Variants in ASXL3 observed in about 807,000 individuals in gnomAD.
ASXL3 encodes ASXL transcriptional regulator 3.
Under a neutral mutation model 170.6 loss-of-function variants are expected in ASXL3, and 34 were observed. The observed-to-expected ratio is 0.20, with a 90% CI of 0.15 to 0.27. The LOEUF is 0.27. Ranked by LOEUF, ASXL3 falls within the 10% of genes least tolerant of loss-of-function variation. The pLI is 1.00. For synonymous variants in ASXL3, 1,002 were observed against 989.1 expected, an observed-to-expected ratio of 1.01 and a Z score of -0.24; for missense variants, 2,592 against 2,695.3, an observed-to-expected ratio of 0.96 and a Z score of 0.85.
intron 1 of ASXL3, among the ~76,000 whole-genome samples, chr18:33,603,212 A>G (rs2065203443): frequency 6.6e-6 from 1 of 152,048 alleles, no homozygotes; most frequent in African/African-American, 2.4e-5. Flanking sequence ...GATCTTAGAG[A>G]TACTTAGAAT....
chr18:33,631,373 A>G (rs17665911), intron 2 of ASXL3, among the ~76,000 whole-genome samples: 8,382 of 152,118 alleles, frequency 0.055, 255 homozygotes, highest in South Asian at 0.07. Flanking sequence ...AGTTCACCTA[A>G]TAAATTAATC....
chr18:33,667,535 TTC>T (rs2066277825), intron 5 of ASXL3, among the ~76,000 whole-genome samples: 1 of 152,214 alleles, frequency 6.6e-6, no homozygotes, highest in African/African-American at 2.4e-5. Flanking sequence ...GTTTTTTAAT[TTC>T]TGGAATAATG....
intron 2 of ASXL3, among the ~76,000 whole-genome samples, chr18:33,638,408 T>C (rs2065802122): frequency 6.6e-6 from 1 of 152,070 alleles, no homozygotes; most frequent in Non-Finnish European, 1.5e-5. Context: ...TTTTCATTGG[T>C]GACATTACCA....
chr18:33,642,183 TTATTTC>T (rs2065855434), intron 2 of ASXL3, among the ~76,000 whole-genome samples: 1 of 152,008 alleles, frequency 6.6e-6, no homozygotes, highest in Non-Finnish European at 1.5e-5. Context: ...AGACTTATAT[TTATTTC>T]TATTCAATAG....
At chr18:33,692,851 C>T (rs1329631058) in intron 8 of ASXL3, among the ~76,000 whole-genome samples, 1 of 152,144 alleles carries the variant, frequency 6.6e-6, no homozygotes, top group African/African-American at 2.4e-5. Flanking sequence ...AAGAACTTTG[C>T]ATTAGTCTAC....
intron 7 of ASXL3, 86 bp downstream of exon 7, chr18:33,671,952 T>G (rs966153658): frequency 7.7e-7 from 1 of 1,301,126 alleles, no homozygotes; most frequent in African/African-American, 1.5e-5. Context: ...AGAACATTTT[T>G]TAATGATTAA....
At chr18:33,686,252 G>A (rs1483772172) in intron 8 of ASXL3, among the ~76,000 whole-genome samples, 2 of 152,114 alleles carry the variant, frequency 1.3e-5, no homozygotes, top group Non-Finnish European at 2.9e-5. Flanking sequence ...TCTTGTGGAG[G>A]ATACAAGAAT....
chr18:33,683,041 T>C (rs765730336), intron 7 of ASXL3, among the ~76,000 whole-genome samples: 3 of 152,188 alleles, frequency 2.0e-5, no homozygotes, highest in Non-Finnish European at 4.4e-5. Context: ...TTAGGTCTTA[T>C]AGAACTTACA....
At chr18:33,644,478 GTTTTTTTT>G (rs75956043) in intron 2 of ASXL3, among the ~76,000 whole-genome samples, 1 of 135,124 alleles carries the variant, frequency 7.4e-6, no homozygotes, top group African/African-American at 2.7e-5. Context: ...GGGTTTTTTT[GTTTTTTTT>G]TTTTTGATCA....
At chr18:33,713,504 C>T (rs1019905322) in intron 8 of ASXL3, among the ~76,000 whole-genome samples, 4 of 151,988 alleles carry the variant, frequency 2.6e-5, no homozygotes, top group African/African-American at 9.7e-5. Context: ...CCACCCCCAC[C>T]TCAGCCTCCC....
chr18:33,721,204 A>C (rs1281124179), intron 8 of ASXL3, among the ~76,000 whole-genome samples: 1 of 151,982 alleles, frequency 6.6e-6, no homozygotes, highest in East Asian at 1.9e-4. Context: ...CCAGCATCTG[A>C]TTGATTATAT....
intron 8 of ASXL3, among the ~76,000 whole-genome samples, chr18:33,721,544 A>G (rs919839219): frequency 6.6e-6 from 1 of 152,066 alleles, no homozygotes; most frequent in African/African-American, 2.4e-5. Flanking sequence ...GTAGAAAAAG[A>G]CAGCTCAGAA....
chr18:33,716,018 A>G (rs1027212902), intron 8 of ASXL3, among the ~76,000 whole-genome samples: 4 of 152,218 alleles, frequency 2.6e-5, no homozygotes, highest in African/African-American at 9.6e-5. Flanking sequence ...CAGCATTTGA[A>G]TAAAGTCTCA....
In ASXL3 at chr18:33,743,925, G is replaced by A. The variant is rs1162815494; in HGVS notation, c.4077G>A (p.Leu1359=). The change falls in exon 12 of 12, where the codon TTG becomes TTA. Residue 1359 remains leucine, a synonymous_variant. Coordinates refer to ENST00000269197, the MANE Select transcript of ASXL3 (RefSeq NM_030632.3). ...NLPNLSTSSV[L]IPPMGINNRF... is the part of the protein sequence containing the mutation. Reference sequence around the variant, plus strand: ...CAAACCTCTCCACTAGCTCTGTCTTGATTCCCCCAATGGGAATTAACAACA... The same window carrying A: ...CAAACCTCTCCACTAGCTCTGTCTTAATTCCCCCAATGGGAATTAACAACA... 1 of 1,613,842 alleles carries A rather than the reference G, an allele frequency of 6.2e-7. No individual in the cohort carries two copies. Among genetic ancestry groups the A allele is most frequent in the African/African-American group, 1.3e-5 (1 of 74,922 alleles).
intron 1 of ASXL3, among the ~76,000 whole-genome samples, chr18:33,595,872 T>G (rs187948472): frequency 6.6e-6 from 1 of 152,270 alleles, no homozygotes; most frequent in Non-Finnish European, 1.5e-5. Flanking sequence ...TCTTCAGGAG[T>G]TGTTTCTTCC....
intron 5 of ASXL3, among the ~76,000 whole-genome samples, chr18:33,666,354 G>T (rs1225757938): frequency 6.6e-6 from 1 of 152,020 alleles, no homozygotes; most frequent in Non-Finnish European, 1.5e-5. Flanking sequence ...TCACATTATA[G>T]ACAAACCAAC....
intron 1 of ASXL3, among the ~76,000 whole-genome samples, chr18:33,594,557 G>C (rs2065108204): frequency 6.6e-6 from 1 of 152,058 alleles, no homozygotes; most frequent in African/African-American, 2.4e-5. Flanking sequence ...ACAAACATTG[G>C]CTGATTGAAA....
At chr18:33,670,897 T>C (rs2066330556) in intron 6 of ASXL3, 107 bp downstream of exon 6, 1 of 666,150 alleles carries the variant, frequency 1.5e-6, no homozygotes, top group Non-Finnish European at 2.4e-6. Flanking sequence ...ATACTTCCAC[T>C]TGAGGTTTGG....
chr18:33,655,728 T>C (rs1300433880), intron 4 of ASXL3, among the ~76,000 whole-genome samples: 1 of 152,070 alleles, frequency 6.6e-6, no homozygotes, highest in Admixed American at 6.6e-5. Flanking sequence ...ATTTTCTGGC[T>C]GTATATATCC....
Sources: gnomAD v4.1 joint callset for allele counts (sites outside exome capture counted in the v4.1 genomes callset) on GRCh38, gnomAD v4.1.1 for gene constraint, MANE v1.5 for transcripts, NCBI Gene and HGNC (gene_info 2026-07-23, HGNC 2026-07-21) for gene names.